Variants in BAZ2A observed in about 807,000 individuals in gnomAD.
The protein encoded by BAZ2A is bromodomain adjacent to zinc finger domain 2A.
BAZ2A carries 34 observed loss-of-function variants against 199.9 expected under a neutral mutation model. The ratio of observed to expected loss-of-function variants is 0.17; its 90% CI spans 0.13 to 0.23. The LOEUF (loss-of-function observed/expected upper bound fraction) is 0.23, where lower values mean the gene tolerates loss of function less well. BAZ2A is among the 10% of genes least tolerant of loss of function. The pLI, the probability that BAZ2A is intolerant of heterozygous loss-of-function variation, is 1.00. For synonymous variants in BAZ2A, 857 were observed against 883.9 expected (o/e 0.97, Z 0.54); for missense variants, 2,002 against 2,391.1 (o/e 0.84, Z 3.39).
At chr12:56,634,169 T>C (rs1951387955), upstream of BAZ2A, among the ~76,000 whole-genome samples, 1 of 152,176 alleles carries the variant, frequency 6.6e-6, no homozygotes, top group South Asian at 2.1e-4. Flanking sequence ...GGGCTTCCTT[T>C]GCATCTGAAC....
chr12:56,610,867 TAA>T (rs150236369), intron 7 of BAZ2A, among the ~76,000 whole-genome samples: 97 of 152,132 alleles, frequency 6.4e-4, no homozygotes, highest in African/African-American at 2.3e-3. Flanking sequence ...CTAAGGGGAA[TAA>T]AGACAGAAGA....
chr12:56,625,893 A>C (rs1448916417), intron 1 of BAZ2A, among the ~76,000 whole-genome samples: 5 of 151,656 alleles, frequency 3.3e-5, no homozygotes, highest in East Asian at 1.9e-4. Flanking sequence ...AAAAAAAAAA[A>C]AAAACAACAA....
At position 56,600,104 on chromosome 12, in the gene BAZ2A, G is replaced by A. The variant is rs746557809; in HGVS notation, c.4893-8C>T. The A allele has an allele frequency of 8.1e-6, 13 of 1,613,914 alleles. No individual in the cohort carries two copies. The highest frequency in any genetic ancestry group is 1.1e-5 in the Non-Finnish European group (13 of 1,179,770). On this transcript the variant is annotated splice_region_variant and splice_polypyrimidine_tract_variant and intron_variant, in intron 24 of 28. Transcript: ENST00000549884. ...GGGGTGATCTCATATGATCTGGAGG[G>A]AGAAAGTGGTGATCTTTGGAGAAGG...
At chr12:56,611,523 G>C (rs1950557193) in intron 7 of BAZ2A, 50 bp downstream of exon 7, 1 of 1,545,652 alleles carries the variant, frequency 6.5e-7, no homozygotes. Context: ...TTCTAGAGTT[G>C]TGCATTAAAC....
Position 56,598,795 on chromosome 12 carries a change from A to C in BAZ2A, c.5547-12T>G. 6.2e-7 allele frequency: 1 copy of C among 1,611,078 alleles called. No individual in the cohort carries two copies. Among genetic ancestry groups the C allele is most frequent in the South Asian group, 1.1e-5 (1 of 90,566 alleles). On this transcript the variant is annotated splice_polypyrimidine_tract_variant and intron_variant, in intron 28 of 28. Coordinates refer to ENST00000549884, the MANE Select transcript of BAZ2A (RefSeq NM_001300905.2). The stretch of plus-strand genomic sequence containing the variant: ...CTGAGCTGGTGTACCTGGACAGGGC[A>C]GGGGCAAAACTGTGAGCTGGGTAGG...
Position 56,600,103 on chromosome 12 carries a change from G to A in BAZ2A, c.4893-7C>T, listed in dbSNP as rs1408757917. 6 of 1,613,758 alleles carry A rather than the reference G, an allele frequency of 3.7e-6. No individual in the cohort carries two copies. Among genetic ancestry groups the A allele is most frequent in the Non-Finnish European group, 5.1e-6 (6 of 1,179,670 alleles). On this transcript the variant is annotated splice_region_variant and splice_polypyrimidine_tract_variant and intron_variant, in intron 24 of 28. Transcript: ENST00000549884. ...AGGGGTGATCTCATATGATCTGGAG[G>A]GAGAAAGTGGTGATCTTTGGAGAAG...
chr12:56,599,139 T>C lies in BAZ2A; in HGVS notation c.5392A>G (p.Thr1798Ala). Residue 1798 changes from threonine to alanine, a missense_variant, in exon 27 of 29, where the codon ACA (threonine) becomes GCA (alanine). By Grantham distance (58) the Thr-to-Ala change is moderately conservative. This residue lies in a region of BAZ2A where 122 missense variants were observed against 123.0 expected (regional missense o/e 0.99). Transcript: ENST00000549884. Reference protein sequence around the residue: ...LSMRNHHSDLTFCEIILMEME... With the variant: ...LSMRNHHSDLAFCEIILMEME... ...ATTCACTCAACTCACTCGCAAAATGTGAGATCACTGTGGTGGTTCCGCATA... is the reference window on the plus strand; with the variant it reads ...ATTCACTCAACTCACTCGCAAAATGCGAGATCACTGTGGTGGTTCCGCATA... 6.3e-7 allele frequency: 1 copy of C among 1,598,030 alleles called. No homozygotes were observed. Among genetic ancestry groups the C allele is most frequent in the Non-Finnish European group, 8.6e-7 (1 of 1,166,730 alleles).
intron 1 of BAZ2A, chr12:56,621,007 T>C: frequency 2.1e-6 from 2 of 945,760 alleles, no homozygotes; most frequent in Non-Finnish European, 2.5e-6. Flanking sequence ...CCAAAGCTTA[T>C]ACCACAGAGC....
At position 56,599,229 on chromosome 12, in the gene BAZ2A, T is replaced by C; in HGVS notation, c.5302A>G (p.Ser1768Gly). 1 of 1,613,258 alleles carries C rather than the reference T, an allele frequency of 6.2e-7. No homozygotes were observed. Among genetic ancestry groups the C allele is most frequent in the Non-Finnish European group, 8.5e-7 (1 of 1,179,690 alleles). ...RRRVLLRGRE[S>G]PAAGPRYSEE... The stretch of plus-strand genomic sequence containing the variant: ...GAGTACCGAGGCCCTGCTGCTGGGC[T>C]TTCTCGGCCCCTCAACAGTACCCGG... The change falls in exon 27 of 29, where the codon AGC becomes GGC. Residue 1768 changes from serine (S) to glycine (G), a missense_variant. Around this residue, in one of 6 missense-constraint regions of BAZ2A, gnomAD observed 122 missense variants for 123.0 expected, o/e 0.99. Transcript: ENST00000549884.
rs530441003 is a variant in BAZ2A, at chr12:56,611,483, C to G, written c.1670+90G>C. On this transcript the variant is annotated intron_variant, in intron 7 of 28. Transcript: ENST00000549884. ...ACTCTTGTCTGGCCCATTCCTCCCCCACCTCAGAGGAAAAGAGGCATTCCC... is the reference window on the plus strand; with the variant it reads ...ACTCTTGTCTGGCCCATTCCTCCCCGACCTCAGAGGAAAAGAGGCATTCCC... The G allele has an allele frequency of 1.8e-5, 24 of 1,322,260 alleles. No individual in the cohort carries two copies. In the East Asian group the frequency reaches 4.6e-4, roughly 26 times the overall value. The allele number at this position is 1,322,260 out of a possible 1,614,324, so 81.9% of individuals were successfully genotyped here.
chr12:56,614,183 T>A (rs563353665), intron 3 of BAZ2A, 45 bp from the exon 4 acceptor site: 1 of 1,579,136 alleles, frequency 6.3e-7, no homozygotes, highest in Non-Finnish European at 8.7e-7. Context: ...CAGTGCCTTA[T>A]ATTGGTTCAC....
At chr12:56,617,270 CTAGAACTTGTTCT>C in intron 2 of BAZ2A, 112 bp downstream of exon 2, 1 of 1,173,972 alleles carries the variant, frequency 8.5e-7, no homozygotes, top group African/African-American at 1.6e-5. Context: ...CCAAAAAACC[CTAGAACTTGTTCT>C]TAGAAGTTGA....
Position 56,604,725 on chromosome 12 carries a change from G to A in BAZ2A, c.2823C>T (p.Cys941=), listed in dbSNP as rs1950289785. The A allele has an allele frequency of 1.2e-6, 2 of 1,613,900 alleles. No homozygotes were observed. The highest frequency in any genetic ancestry group is 8.5e-7 in the Non-Finnish European group (1 of 1,179,858). ...GCTCTACTCCATATGCCATAAGGAA[G>A]CAGCGCAGGATCTCTGACACATTGT... is the stretch of plus-strand genomic sequence containing the variant. ...TRDNVSEILR[C]FLMAYGVEPA... is the part of the protein sequence containing the mutation. Residue 941 remains cysteine, a synonymous_variant, in exon 15 of 29, where the codon TGC becomes TGT. Coordinates refer to ENST00000549884, the MANE Select transcript of BAZ2A (RefSeq NM_001300905.2).
At chr12:56,617,360 A>T (rs780525272) in intron 2 of BAZ2A, 35 bp downstream of exon 2, 2 of 1,555,306 alleles carry the variant, frequency 1.3e-6, no homozygotes, top group East Asian at 2.4e-5. Context: ...GATGATGCCC[A>T]TTCCCTCCCC....
At chr12:56,630,334 A>T, upstream of BAZ2A, 1 of 971,428 alleles carries the variant, frequency 1.0e-6, no homozygotes, top group Non-Finnish European at 1.2e-6. Flanking sequence ...AGTGAGTCGG[A>T]GCCGGAGGGG....
Position 56,615,205 on chromosome 12 carries a change from CCATTGGG to C in BAZ2A, c.532_538del (p.Pro178AspfsTer28), listed in dbSNP as rs1399151661. The stretch of plus-strand genomic sequence containing the variant: ...TGGGGAGGTGAAAAAACTAGGGGGT[CCATTGGG>C]CATCACCTCAAAATTCTGGTCAGGA... On this transcript the variant is annotated frameshift_variant, in exon 3 of 29. Transcript: ENST00000549884. LOFTEE classifies it high-confidence loss of function. The C allele has an allele frequency of 6.2e-7, 1 of 1,613,604 alleles. No individual in the cohort carries two copies. The highest frequency in any genetic ancestry group is 8.5e-7 in the Non-Finnish European group (1 of 1,179,764).
intron 1 of BAZ2A, among the ~76,000 whole-genome samples, chr12:56,626,219 G>A (rs571608545): frequency 6.6e-6 from 1 of 152,200 alleles, no homozygotes; most frequent in South Asian, 2.1e-4. Context: ...AGGCATATGA[G>A]GACACCAACA....
intron 1 of BAZ2A, among the ~76,000 whole-genome samples, chr12:56,627,690 G>A (rs914791795): frequency 1.3e-5 from 2 of 151,440 alleles, no homozygotes; most frequent in Non-Finnish European, 2.9e-5. Flanking sequence ...GCTGGATGTG[G>A]TGGTGCGTGT....
In BAZ2A at chr12:56,598,645, A is replaced by C. The variant is rs768424398; in HGVS notation, c.5685T>G (p.Phe1895Leu). 2.5e-6 allele frequency: 4 copies of C among 1,613,810 alleles called. No individual in the cohort carries two copies. In the East Asian group the frequency reaches 8.9e-5, roughly 36 times the overall value. The stretch of plus-strand genomic sequence containing the variant: ...ACAGATTGGCCTGTTTTCCCTGATA[A>C]AACTCCTCCCAGCGGCTCTCGAAGA... The part of the protein sequence containing the change: ...RRFFESRWEE[F>L]YQGKQANL Residue 1895 changes from phenylalanine (F) to leucine (L), a missense_variant, in exon 29 of 29, where the codon TTT becomes TTG. Physicochemically the swap from Phe to Leu is conservative, Grantham distance 22. Coordinates refer to ENST00000549884, the MANE Select transcript of BAZ2A (RefSeq NM_001300905.2).
Sources: gnomAD v4.1 joint callset for allele counts (sites outside exome capture counted in the v4.1 genomes callset) on GRCh38, gnomAD v4.1.1 for gene constraint, gnomAD v4.1.1 regional missense constraint, MANE v1.5 for transcripts, NCBI Gene and HGNC (gene_info 2026-07-23, HGNC 2026-07-21) for gene names.